Variants in MED27 observed in about 807,000 individuals in gnomAD.
MED27 encodes mediator of RNA polymerase II transcription subunit 27.
Under a neutral mutation model 38.2 loss-of-function variants are expected in MED27, and 30 were observed. The ratio of observed to expected loss-of-function variants is 0.79; its 90% CI spans 0.59 to 1.07. The LOEUF (loss-of-function observed/expected upper bound fraction) is 1.07. Among genes scored for constraint, MED27 ranks in the 50% least tolerant of loss-of-function variants. The pLI, the probability that MED27 is intolerant of heterozygous loss-of-function variation, is 0.00. For synonymous variants in MED27, 122 were observed against 153.5 expected (o/e 0.79, Z 1.52); for missense variants, 289 against 397.5 (o/e 0.73, Z 2.32).
intron 2 of MED27, among the ~76,000 whole-genome samples, chr9:132,036,512 TTCTG>T (rs139150900): frequency 6.6e-6 from 1 of 152,330 alleles, no homozygotes; most frequent in East Asian, 1.9e-4. Context: ...GTTAACTGTT[TTCTG>T]TCTGTCTTGG....
chr9:131,880,905 C>T (rs1202689324), intron 6 of MED27, among the ~76,000 whole-genome samples: 1 of 150,292 alleles, frequency 6.7e-6, no homozygotes, highest in East Asian at 1.9e-4. Context: ...ACTACAAGAA[C>T]ATTAAAAAAA....
At position 131,979,831 on chromosome 9, in the gene MED27, A is replaced by ATGGCTGGCTGGCTGGCTGGC. The variant is rs71374157; in HGVS notation, c.479+34486_479+34505dup. Among the ~76,000 whole-genome samples the ATGGCTGGCTGGCTGGCTGGC allele has an allele frequency of 9.4e-3, 1,410 of 150,504 alleles. 31 individuals are homozygous for ATGGCTGGCTGGCTGGCTGGC. Among genetic ancestry groups the ATGGCTGGCTGGCTGGCTGGC allele is most frequent in the African/African-American group, 0.027 (1,117 of 40,942 alleles). On this transcript the variant is annotated intron_variant, in intron 3 of 7. Coordinates refer to ENST00000292035, the MANE Select transcript of MED27 (RefSeq NM_004269.4). ...TTGTAGAGTGGCACCTGAAAACAAGATGGCTGGCTGGCTGGCTGGCTGGCT... is the reference window on the plus strand; with the variant it reads ...TTGTAGAGTGGCACCTGAAAACAAGATGGCTGGCTGGCTGGCTGGCTGGCTGGCTGGCTGGCTGGCTGGCT...
At chr9:131,906,509 T>A (rs1830065733) in intron 4 of MED27, among the ~76,000 whole-genome samples, 1 of 152,142 alleles carries the variant, frequency 6.6e-6, no homozygotes, top group Admixed American at 6.5e-5. Flanking sequence ...GAGACTCTGA[T>A]GAGGAGCTGA....
chr9:131,950,497 TG>T (rs1439892968), intron 3 of MED27, among the ~76,000 whole-genome samples: 1 of 152,220 alleles, frequency 6.6e-6, no homozygotes, highest in African/African-American at 2.4e-5. Flanking sequence ...GCCGCACACG[TG>T]TAGAACCATT....
At chr9:131,916,408 C>G (rs529844392) in intron 4 of MED27, among the ~76,000 whole-genome samples, 4 of 152,308 alleles carry the variant, frequency 2.6e-5, no homozygotes, top group East Asian at 3.9e-4. Context: ...GTTAATAACT[C>G]TTCGAAACAA....
chr9:131,874,222 T>C (rs1838887737), intron 6 of MED27, among the ~76,000 whole-genome samples: 2 of 152,190 alleles, frequency 1.3e-5, no homozygotes, highest in South Asian at 4.1e-4. Flanking sequence ...CCTGTCAGGC[T>C]AAGCCCTTCT....
intron 6 of MED27, among the ~76,000 whole-genome samples, chr9:131,880,206 T>C (rs1227986797): frequency 1.3e-5 from 2 of 152,214 alleles, no homozygotes; most frequent in East Asian, 1.9e-4. Flanking sequence ...TTTTTTTTTT[T>C]CTAACAAGAT....
chr9:132,035,713 G>C (rs1363249999), intron 2 of MED27, among the ~76,000 whole-genome samples: 1 of 152,126 alleles, frequency 6.6e-6, no homozygotes, highest in Non-Finnish European at 1.5e-5. Flanking sequence ...CTGTCACCCC[G>C]GCACTTTTGG....
intron 2 of MED27, among the ~76,000 whole-genome samples, chr9:132,020,815 C>T (rs928537707): frequency 4.0e-5 from 6 of 151,056 alleles, no homozygotes; most frequent in Non-Finnish European, 8.9e-5. Flanking sequence ...AGCTTCTTTC[C>T]TCCTTTTATC....
rs1461870603 is a variant in MED27, at chr9:132,022,283, A to G, written c.349-7816T>C. 3.3e-5 allele frequency among the ~76,000 whole-genome samples: 5 copies of G among 152,334 alleles called. No homozygotes were observed. In the East Asian group the frequency reaches 7.7e-4, roughly 24 times the overall value. ...CACCCCAGAATCCTTATCCATTTGC[A>G]TATTATACTTCTGGACTCAAGAAAA... On this transcript the variant is annotated intron_variant, in intron 2 of 7. Transcript: ENST00000292035.
At chr9:131,970,531 G>C (rs2089070227) in intron 3 of MED27, among the ~76,000 whole-genome samples, 1 of 152,244 alleles carries the variant, frequency 6.6e-6, no homozygotes, top group African/African-American at 2.4e-5. Flanking sequence ...CCACGAAACA[G>C]GGACCACAAG....
At chr9:131,960,667 C>G (rs987074718) in intron 3 of MED27, among the ~76,000 whole-genome samples, 1 of 152,116 alleles carries the variant, frequency 6.6e-6, no homozygotes, top group African/African-American at 2.4e-5. Context: ...GTAGTACCAA[C>G]ATGAATAATA....
At chr9:131,921,223 AGCACTACCCTGCACCTGCC>A (rs1830385573) in intron 4 of MED27, among the ~76,000 whole-genome samples, 2 of 152,324 alleles carry the variant, frequency 1.3e-5, no homozygotes, top group South Asian at 4.1e-4. Flanking sequence ...GTGTCCTGTT[AGCACTACCCTGCACCTGCC>A]GCAAACTCAC....
chr9:132,023,210 C>CCA (rs1554766581), intron 2 of MED27, among the ~76,000 whole-genome samples: 10 of 152,008 alleles, frequency 6.6e-5, no homozygotes, highest in African/African-American at 2.4e-4. Context: ...TTTTCCCCCC[C>CCA]AAAAGAAAAC....
intron 4 of MED27, among the ~76,000 whole-genome samples, chr9:131,897,364 T>C (rs967358979): frequency 6.6e-6 from 1 of 152,260 alleles, no homozygotes; most frequent in African/African-American, 2.4e-5. Context: ...CCACAACGGT[T>C]ATGCCAACCA....
At chr9:132,032,000 T>C (rs937948143) in intron 2 of MED27, 2 of 152,070 alleles carry the variant, frequency 1.3e-5, no homozygotes, top group East Asian at 3.8e-4. Context: ...TCACTCAAGG[T>C]TGTAGAAATA....
At chr9:131,998,641 G>A (rs1832150861) in intron 3 of MED27, among the ~76,000 whole-genome samples, 1 of 152,128 alleles carries the variant, frequency 6.6e-6, no homozygotes. Context: ...GGTCATAGGA[G>A]ACCTTTAAAT....
At chr9:132,069,827 G>A (rs2131163301) in intron 2 of MED27, among the ~76,000 whole-genome samples, 1 of 152,282 alleles carries the variant, frequency 6.6e-6, no homozygotes, top group Non-Finnish European at 1.5e-5. Context: ...CCACTGGCAG[G>A]AGGCCACATA....
At chr9:131,915,321 T>C (rs1328571192) in intron 4 of MED27, among the ~76,000 whole-genome samples, 1 of 152,172 alleles carries the variant, frequency 6.6e-6, no homozygotes. Context: ...ACTCCAAAAT[T>C]CCATTTGGCA....
Sources: allele counts gnomAD v4.1 joint callset (sites outside exome capture counted in the v4.1 genomes callset), GRCh38; gene constraint gnomAD v4.1.1; transcripts MANE v1.5; gene names NCBI Gene and HGNC (gene_info 2026-07-23, HGNC 2026-07-21).